The following THSD7B variants were observed in gnomAD, a reference collection of about 807,000 sequenced individuals.
The protein encoded by THSD7B is thrombospondin type-1 domain-containing protein 7B.
A neutral mutation model predicts 213.6 loss-of-function variants in THSD7B; 138 were observed. The ratio of observed to expected loss-of-function variants is 0.65; its 90% confidence interval spans 0.56 to 0.74. The LOEUF (loss-of-function observed/expected upper bound fraction) is 0.74, where lower values mean the gene tolerates loss of function less well. Ranked by LOEUF, THSD7B falls within the 30% of genes least tolerant of loss-of-function variation. The pLI is 0.00. For synonymous variants in THSD7B, 742 were observed against 687.0 expected, an observed-to-expected ratio of 1.08 and a Z score of -1.25; for missense variants, 1,931 against 1,991.5, an observed-to-expected ratio of 0.97 and a Z score of 0.58.
At chr2:137,223,817 A>G (rs1204304762) in intron 7 of THSD7B, among the ~76,000 whole-genome samples, 1 of 152,154 alleles carries the variant, frequency 6.6e-6, no homozygotes, top group Non-Finnish European at 1.5e-5. Flanking sequence ...TGACTGGAAC[A>G]TGGAGGCGGA....
At chr2:137,647,411 C>G (rs950479900) in intron 21 of THSD7B, among the ~76,000 whole-genome samples, 1 of 151,120 alleles carries the variant, frequency 6.6e-6, no homozygotes, top group Admixed American at 6.6e-5. Context: ...TCCGATCTCT[C>G]TCTGTCTCTT....
intron 3 of THSD7B, among the ~76,000 whole-genome samples, chr2:137,087,501 T>C (rs1390988543): frequency 6.6e-6 from 1 of 152,160 alleles, no homozygotes; most frequent in Admixed American, 6.5e-5. Context: ...CTCTTCTATA[T>C]ACCAACAGCG....
At chr2:137,574,431 G>A (rs1681417651) in intron 17 of THSD7B, among the ~76,000 whole-genome samples, 1 of 152,068 alleles carries the variant, frequency 6.6e-6, no homozygotes, top group East Asian at 1.9e-4. Context: ...TCCTTTACCT[G>A]CTTATGTACC....
chr2:137,310,162 G>A (rs984175063), intron 12 of THSD7B, among the ~76,000 whole-genome samples: 2 of 151,776 alleles, frequency 1.3e-5, no homozygotes, highest in Admixed American at 6.6e-5. Context: ...ATCCTCTCCG[G>A]CACCTGTTTC....
At chr2:137,555,224 G>A (rs531939548) in intron 15 of THSD7B, among the ~76,000 whole-genome samples, 1 of 152,278 alleles carries the variant, frequency 6.6e-6, no homozygotes, top group East Asian at 1.9e-4. Context: ...GTTTGAGATT[G>A]GAGAATGGAC....
intron 12 of THSD7B, among the ~76,000 whole-genome samples, chr2:137,355,983 G>T (rs1685117608): frequency 6.6e-6 from 1 of 152,104 alleles, no homozygotes; most frequent in Non-Finnish European, 1.5e-5. Flanking sequence ...TCCAGTCATG[G>T]AGAGAGTAGG....
At chr2:137,281,757 T>A (rs2104818783) in intron 12 of THSD7B, among the ~76,000 whole-genome samples, 1 of 152,308 alleles carries the variant, frequency 6.6e-6, no homozygotes, top group East Asian at 1.9e-4. Context: ...GGCTGCATAG[T>A]ATTCCATGGT....
At chr2:137,319,258 C>G (rs1199191696) in intron 12 of THSD7B, among the ~76,000 whole-genome samples, 1 of 150,236 alleles carries the variant, frequency 6.7e-6, no homozygotes, top group Admixed American at 6.6e-5. Context: ...GTAATGGGAC[C>G]TAGGGTTATC....
At chr2:137,211,752 T>TC (rs1402080880) in intron 7 of THSD7B, among the ~76,000 whole-genome samples, 1 of 151,980 alleles carries the variant, frequency 6.6e-6, no homozygotes, top group Non-Finnish European at 1.5e-5. Context: ...CAAGTATTTT[T>TC]TTGTTATTTT....
At chr2:137,146,255 A>AT (rs1335316547) in intron 5 of THSD7B, among the ~76,000 whole-genome samples, 1 of 152,098 alleles carries the variant, frequency 6.6e-6, no homozygotes, top group Non-Finnish European at 1.5e-5. Context: ...AAGCATATAG[A>AT]TTTTAACTAC....
At chr2:137,621,516 C>G (rs972889278) in intron 20 of THSD7B, among the ~76,000 whole-genome samples, 2 of 152,140 alleles carry the variant, frequency 1.3e-5, no homozygotes, top group Admixed American at 1.3e-4. Context: ...GCAATTGATA[C>G]TCAGTAGTGA....
intron 10 of THSD7B, among the ~76,000 whole-genome samples, chr2:137,267,552 A>G (rs919925985): frequency 1.3e-4 from 19 of 148,228 alleles, no homozygotes; most frequent in Admixed American, 7.5e-4. Context: ...ATCATACTAT[A>G]AAGTCTCTTT....
intron 5 of THSD7B, among the ~76,000 whole-genome samples, chr2:137,117,249 G>A (rs1303844122): frequency 1.3e-5 from 2 of 152,206 alleles, no homozygotes; most frequent in African/African-American, 4.8e-5. Flanking sequence ...ACTTCTTACT[G>A]TTATCATTTA....
intron 7 of THSD7B, among the ~76,000 whole-genome samples, chr2:137,211,340 A>ACACACACACACACACAGAGG (rs1681101186): frequency 9.3e-6 from 1 of 107,692 alleles, no homozygotes; most frequent in African/African-American, 3.5e-5. Context: ...CTACACACAC[A>ACACACACACACACACAGAGG]CACACACACA....
intron 3 of THSD7B, among the ~76,000 whole-genome samples, chr2:137,068,729 A>G (rs1177236070): frequency 6.6e-6 from 1 of 152,108 alleles, no homozygotes; most frequent in Non-Finnish European, 1.5e-5. Flanking sequence ...TACTCTGTTC[A>G]TATGCCTAAC....
At chr2:137,134,403 C>T (rs1281872142) in intron 5 of THSD7B, among the ~76,000 whole-genome samples, 1 of 152,168 alleles carries the variant, frequency 6.6e-6, no homozygotes, top group Non-Finnish European at 1.5e-5. Context: ...TTGACAGAGC[C>T]TTCGAGAATT....
intron 5 of THSD7B, among the ~76,000 whole-genome samples, chr2:137,157,960 A>G (rs972830056): frequency 3.3e-5 from 5 of 152,220 alleles, no homozygotes; most frequent in African/African-American, 1.2e-4. Flanking sequence ...GCTAACATGT[A>G]TAAGACCAGA....
chr2:137,447,042 A>G (rs1218725347), intron 14 of THSD7B, among the ~76,000 whole-genome samples: 2 of 152,132 alleles, frequency 1.3e-5, no homozygotes, highest in East Asian at 1.9e-4. Flanking sequence ...ATTCCTCACT[A>G]TGAATTTTCC....
At chr2:136,834,445 A>G (rs563949749) in intron 1 of THSD7B, among the ~76,000 whole-genome samples, 1 of 152,210 alleles carries the variant, frequency 6.6e-6, no homozygotes, top group South Asian at 2.1e-4. Context: ...CCATATATCT[A>G]GGTAAAAGTG....
Sources: gnomAD v4.1 joint callset for allele counts (sites outside exome capture counted in the v4.1 genomes callset) on GRCh38, gnomAD v4.1.1 for gene constraint, MANE v1.5 for transcripts, NCBI Gene and HGNC (gene_info 2026-07-23, HGNC 2026-07-21) for gene names.